P2RX3: variants seen among roughly 807,000 people sequenced by gnomAD.
P2RX3 encodes the protein P2X purinoceptor 3.
A neutral mutation model predicts 51.5 loss-of-function variants in P2RX3; 41 were observed. The ratio of observed to expected loss-of-function variants is 0.80; its 90% confidence interval spans 0.62 to 1.03. P2RX3 has a LOEUF of 1.03. Among genes scored for constraint, P2RX3 ranks in the 50% least tolerant of loss-of-function variants. The pLI, the probability that P2RX3 is intolerant of heterozygous loss-of-function variation, is 0.00. For missense variants in P2RX3, 459 were observed against 522.1 expected, an observed-to-expected ratio of 0.88 and a Z score of 1.18; for synonymous variants, 185 against 191.6, an observed-to-expected ratio of 0.97 and a Z score of 0.29.
intron 10 of P2RX3, 83 bp downstream of exon 10, chr11:57,368,520 C>T: frequency 6.8e-7 from 1 of 1,470,490 alleles, no homozygotes; most frequent in Non-Finnish European, 9.5e-7. Flanking sequence ...GTGACGGCGG[C>T]AAAACTCTGC....
chr11:57,338,518 C>T lies in P2RX3; in HGVS notation c.-33C>T, dbSNP rs1217366236. The T allele has an allele frequency of 6.6e-7, 1 of 1,507,402 alleles. No homozygotes were observed. Among genetic ancestry groups the T allele is most frequent in the Non-Finnish European group, 9.1e-7 (1 of 1,092,976 alleles). The allele number at this position is 1,507,402 out of a possible 1,614,324, so 93.4% of individuals were successfully genotyped here. ...CCTCTCCTGAGGCCACCACTGGGCC[C>T]CCTTCTGAGTGTCCCCTGAGCACTC... On this transcript the variant is annotated 5_prime_UTR_variant, in exon 1 of 12. Transcript: ENST00000263314.
At chr11:57,341,476 C>G (rs1464094320) in intron 1 of P2RX3, among the ~76,000 whole-genome samples, 5 of 152,064 alleles carry the variant, frequency 3.3e-5, no homozygotes, top group Admixed American at 1.3e-4. Context: ...GTGGTTGACA[C>G]CATTTCATCA....
intron 1 of P2RX3, among the ~76,000 whole-genome samples, chr11:57,343,850 A>C (rs1298743670): frequency 6.6e-6 from 1 of 152,208 alleles, no homozygotes; most frequent in African/African-American, 2.4e-5. Flanking sequence ...CAGAGAGCCT[A>C]GGCCCCAGAC....
intron 1 of P2RX3, among the ~76,000 whole-genome samples, chr11:57,339,612 C>G (rs1856300939): frequency 6.6e-6 from 1 of 152,198 alleles, no homozygotes; most frequent in Non-Finnish European, 1.5e-5. Flanking sequence ...CATTTCCACA[C>G]ACTGGTGGGC....
At chr11:57,355,410 G>A (rs1227328656) in intron 8 of P2RX3, among the ~76,000 whole-genome samples, 14 of 143,612 alleles carry the variant, frequency 9.7e-5, no homozygotes, top group Admixed American at 7.3e-4. Flanking sequence ...CAGTAGTCTC[G>A]GCTCACTGCA....
chr11:57,350,826 T>C lies in P2RX3; in HGVS notation c.770T>C (p.Ile257Thr), dbSNP rs1856534494. Residue 257 changes from isoleucine (I) to threonine (T), a missense_variant, in exon 8 of 12, where the codon ATC becomes ACC. Transcript: ENST00000263314. ...TTGGACAAGGCCTGGGACCAGTGCA[T>C]CCCCAAATACTCCTTCACCCGGCTC... is the stretch of plus-strand genomic sequence containing the variant. ...CDLDKAWDQC[I>T]PKYSFTRLDS... 1 of 1,613,946 alleles carries C rather than the reference T, an allele frequency of 6.2e-7. No homozygotes were observed. Among genetic ancestry groups the C allele is most frequent in the South Asian group, 1.1e-5 (1 of 91,078 alleles).
chr11:57,347,278 C>G (rs1856454859), intron 3 of P2RX3, 91 bp downstream of exon 3: 5 of 1,505,458 alleles, frequency 3.3e-6, no homozygotes, highest in Non-Finnish European at 4.6e-6. Context: ...GAGCAGAGGC[C>G]CCAAGTCTGA....
intron 8 of P2RX3, among the ~76,000 whole-genome samples, chr11:57,362,951 T>C (rs980305942): frequency 2.0e-5 from 3 of 152,188 alleles, no homozygotes; most frequent in Admixed American, 6.5e-5. Context: ...AATGTAGATA[T>C]TGTTTCATTT....
chr11:57,368,162 G>C, intron 9 of P2RX3, 60 bp downstream of exon 9: 1 of 1,554,566 alleles, frequency 6.4e-7, no homozygotes, highest in Non-Finnish European at 8.9e-7. Flanking sequence ...CCACCTCTCG[G>C]GTTCTGAAAA....
chr11:57,350,784 T>G lies in P2RX3; in HGVS notation c.728T>G (p.Ile243Ser). Residue 243 changes from isoleucine to serine, a missense_variant, in exon 8 of 12, where the codon ATC (isoleucine) becomes AGC (serine). Coordinates refer to ENST00000263314, the MANE Select transcript of P2RX3 (RefSeq NM_002559.5). ...ARTGGVLGIK[I>S]GWVCDLDKAW... ...CAGGGGGGAGTTCTGGGCATTAAGATCGGCTGGGTGTGCGACTTGGACAAG... is the reference window on the plus strand; with the variant it reads ...CAGGGGGGAGTTCTGGGCATTAAGAGCGGCTGGGTGTGCGACTTGGACAAG... The G allele has an allele frequency of 6.2e-7, 1 of 1,613,356 alleles. No individual in the cohort carries two copies. Among genetic ancestry groups the G allele is most frequent in the Non-Finnish European group, 8.5e-7 (1 of 1,179,904 alleles).
At chr11:57,337,797 G>A (rs770044667), upstream of P2RX3, among the ~76,000 whole-genome samples, 50 of 152,212 alleles carry the variant, frequency 3.3e-4, no homozygotes, top group African/African-American at 5.8e-4. Flanking sequence ...AAACCTGCAC[G>A]TTGTGCAGGT....
intron 1 of P2RX3, among the ~76,000 whole-genome samples, chr11:57,339,500 C>T (rs1481434964): frequency 2.0e-5 from 3 of 149,300 alleles, no homozygotes; most frequent in East Asian, 2.0e-4. Flanking sequence ...CAGCCCCCAC[C>T]GCCTGCAAGC....
At chr11:57,356,340 A>T (rs932062909) in intron 8 of P2RX3, among the ~76,000 whole-genome samples, 17 of 152,222 alleles carry the variant, frequency 1.1e-4, no homozygotes, top group Admixed American at 3.9e-4. Flanking sequence ...GGCTGGTGTG[A>T]TTGACGGGAG....
At chr11:57,348,292 C>T in intron 5 of P2RX3, 29 bp downstream of exon 5, 1 of 1,560,234 alleles carries the variant, frequency 6.4e-7, no homozygotes, top group Non-Finnish European at 8.7e-7. Context: ...CAGGAGGAGA[C>T]AGGCCCCCAC....
intron 8 of P2RX3, among the ~76,000 whole-genome samples, chr11:57,361,308 G>A (rs1324898867): frequency 6.6e-6 from 1 of 151,276 alleles, no homozygotes; most frequent in Admixed American, 6.6e-5. Context: ...TTAAGTTTAA[G>A]TTCTGGGATA....
At chr11:57,340,366 G>A (rs554209588) in intron 1 of P2RX3, among the ~76,000 whole-genome samples, 3 of 152,316 alleles carry the variant, frequency 2.0e-5, no homozygotes, top group East Asian at 1.9e-4. Flanking sequence ...CTGCTGGAGC[G>A]AGTGTGCGAA....
At chr11:57,337,753 A>G (rs556139035), upstream of P2RX3, among the ~76,000 whole-genome samples, 3 of 152,350 alleles carry the variant, frequency 2.0e-5, no homozygotes, top group East Asian at 3.9e-4. Context: ...AACGGGTGCA[A>G]CACACCAACA....
rs113889824 is a variant in P2RX3, at chr11:57,345,670, C to A, written c.120-874C>A. ...GGCACTTTATAGGAAAGCAGAGGCA[C>A]GAGTTGCCAGCAGGTATTTGCAGGC... On this transcript the variant is annotated intron_variant, in intron 1 of 11. Coordinates refer to ENST00000263314, the MANE Select transcript of P2RX3 (RefSeq NM_002559.5). Among the ~76,000 whole-genome samples the A allele has an allele frequency of 1.0e-2, 1,514 of 152,134 alleles. 23 individuals carry two copies. The highest frequency in any genetic ancestry group is 0.034 in the African/African-American group (1,420 of 41,504).
At chr11:57,351,591 C>T (rs1856548989) in intron 8 of P2RX3, among the ~76,000 whole-genome samples, 1 of 152,234 alleles carries the variant, frequency 6.6e-6, no homozygotes, top group Non-Finnish European at 1.5e-5. Context: ...TGTCTTCTCC[C>T]ATCCTAATTT....
Sources: allele counts gnomAD v4.1 joint callset (sites outside exome capture counted in the v4.1 genomes callset), GRCh38; gene constraint gnomAD v4.1.1; transcripts MANE v1.5; gene names NCBI Gene and HGNC (gene_info 2026-07-23, HGNC 2026-07-21).